The following ACOT11 variants were observed in gnomAD, a reference collection of about 807,000 sequenced individuals.
ACOT11 encodes acyl-CoA thioesterase 11, also known as acyl-coenzyme A thioesterase 11.
In ACOT11, 69 loss-of-function variants were observed where a neutral mutation model predicts 77.5. The observed-to-expected ratio is 0.89, with a 90% CI of 0.73 to 1.09. The LOEUF (loss-of-function observed/expected upper bound fraction) is 1.09, where lower values mean the gene tolerates loss of function less well. Ranked by LOEUF, ACOT11 falls within the 50% of genes least tolerant of loss-of-function variation. ACOT11 has a pLI of 0.00. For synonymous variants in ACOT11, 279 were observed against 313.0 expected (o/e 0.89, Z 1.15); for missense variants, 766 against 813.7 (o/e 0.94, Z 0.71).
chr1:54,555,657 C>T lies in ACOT11; in HGVS notation c.33+7315C>T, dbSNP rs540108933. Reference sequence around the variant, plus strand: ...TCCAAAAAATTCTTACCTAGCACAACGTCATGAAGTGTTTCCCTTATGTTT... The same window carrying T: ...TCCAAAAAATTCTTACCTAGCACAATGTCATGAAGTGTTTCCCTTATGTTT... On this transcript the variant is annotated intron_variant, in intron 1 of 15. Coordinates refer to ENST00000343744, the MANE Select transcript of ACOT11 (RefSeq NM_147161.4). Among the ~76,000 whole-genome samples, 21 of 152,288 alleles carry T rather than the reference C, an allele frequency of 1.4e-4. No homozygotes were observed. The South Asian group carries it at 2.5e-3, about 18-fold the overall frequency.
chr1:54,573,687 C>T (rs530600995), intron 1 of ACOT11, among the ~76,000 whole-genome samples: 3 of 151,544 alleles, frequency 2.0e-5, no homozygotes, highest in Non-Finnish European at 4.4e-5. Flanking sequence ...GAGCCAAGAT[C>T]ACACCGCTGC....
intron 1 of ACOT11, among the ~76,000 whole-genome samples, chr1:54,551,144 A>AG (rs1186064858): frequency 1.7e-3 from 253 of 151,528 alleles, no homozygotes; most frequent in Non-Finnish European, 3.1e-3. Context: ...AAAAAAAAAA[A>AG]AAAAAGAAAA....
intron 1 of ACOT11, among the ~76,000 whole-genome samples, chr1:54,552,821 T>C (rs1653115933): frequency 8.8e-6 from 1 of 113,444 alleles, no homozygotes; most frequent in Admixed American, 8.6e-5. Flanking sequence ...TGTTGTTTGT[T>C]TTTGTTTTGT....
intron 3 of ACOT11, 101 bp from the exon 4 acceptor site, chr1:54,592,445 T>C: frequency 8.7e-7 from 1 of 1,154,826 alleles, no homozygotes; most frequent in Admixed American, 2.2e-5. Flanking sequence ...CATGAAGTTA[T>C]CCTGCCAGCT....
At chr1:54,602,462 G>T (rs563192089) in intron 9 of ACOT11, among the ~76,000 whole-genome samples, 24 of 152,294 alleles carry the variant, frequency 1.6e-4, no homozygotes, top group African/African-American at 5.8e-4. Flanking sequence ...GGGAGGTGGT[G>T]TTCCCAGGTC....
rs547792868 is a variant in ACOT11 at position 54,584,495 on chromosome 1, G to A, written c.34-160G>A. On this transcript the variant is annotated intron_variant, in intron 1 of 15. Transcript: ENST00000343744. The surrounding 1 kb of genome is among the most constrained non-coding windows in gnomAD (Gnocchi z 6.3). ...CAGATATCCTGGGGTCCGAGACCAC[G>A]GGCTGGAGGGTGGTGACCACTCTCG... is the stretch of plus-strand genomic sequence containing the variant. Among the ~76,000 whole-genome samples, 5 of 152,116 alleles carry A rather than the reference G, an allele frequency of 3.3e-5. No homozygotes were observed. Among genetic ancestry groups the A allele is most frequent in the African/African-American group, 9.7e-5 (4 of 41,404 alleles).
At chr1:54,558,137 G>GGGGGATTAACAGTTAGTACTA (rs1350228267) in intron 1 of ACOT11, among the ~76,000 whole-genome samples, 32 of 152,278 alleles carry the variant, frequency 2.1e-4, no homozygotes, top group Non-Finnish European at 4.1e-4. Context: ...TTACTGTACT[G>GGGGGATTAACAGTTAGTACTA]GGGGATTAAC....
intron 1 of ACOT11, among the ~76,000 whole-genome samples, chr1:54,553,397 G>A (rs1176944315): frequency 6.6e-6 from 1 of 151,512 alleles, no homozygotes; most frequent in African/African-American, 2.4e-5. Context: ...GAACCTGGGA[G>A]GTGGAGGTTG....
intron 1 of ACOT11, among the ~76,000 whole-genome samples, chr1:54,580,066 C>T (rs1205876626): frequency 1.3e-5 from 2 of 152,168 alleles, no homozygotes; most frequent in African/African-American, 4.8e-5. Context: ...TGTTTAATTT[C>T]CTCCCTATGA....
At chr1:54,549,280 T>C (rs1652981682) in intron 1 of ACOT11, among the ~76,000 whole-genome samples, 1 of 152,108 alleles carries the variant, frequency 6.6e-6, no homozygotes, top group Non-Finnish European at 1.5e-5. Context: ...CCGAGGATGA[T>C]TTTCACATCC....
At chr1:54,594,314 A>T (rs1315932693) in intron 5 of ACOT11, among the ~76,000 whole-genome samples, 1 of 151,820 alleles carries the variant, frequency 6.6e-6, no homozygotes, top group African/African-American at 2.4e-5. Context: ...CTACAGTGAC[A>T]CCCCCCATCC....
At position 54,627,981 on chromosome 1, in the gene ACOT11, C is replaced by T. The variant is rs184231684; in HGVS notation, c.1630-2753C>T. On this transcript the variant is annotated intron_variant, in intron 15 of 16. Coordinates refer to the ACOT11 transcript ENST00000371316. ...TGGGGAGCCCCGGAGGCCTGGGTCA[C>T]CCTGATAAAGAATTTGGCTTCAACC... is the stretch of plus-strand genomic sequence containing the variant. Among the ~76,000 whole-genome samples, 2 of 132,766 alleles carry T rather than the reference C, an allele frequency of 1.5e-5. 1 individual carries two copies. Among genetic ancestry groups the T allele is most frequent in the Non-Finnish European group, 3.4e-5 (2 of 58,650 alleles). The allele number at this position is 132,766 out of a possible 152,430, so 87.1% of individuals were successfully genotyped here.
chr1:54,624,908 C>T (rs752891563), intron 15 of ACOT11, among the ~76,000 whole-genome samples: 4 of 150,150 alleles, frequency 2.7e-5, no homozygotes, highest in Admixed American at 6.6e-5. Context: ...ATGTGGGGAA[C>T]GGTGGGCATT....
chr1:54,569,113 GAA>G (rs67349209), intron 1 of ACOT11, among the ~76,000 whole-genome samples: 129 of 135,720 alleles, frequency 9.5e-4, no homozygotes, highest in Non-Finnish European at 1.6e-3. Context: ...AGACTCTCTC[GAA>G]AAAAAAAAAA....
At chr1:54,604,970 C>T in intron 12 of ACOT11, 106 bp from the exon 13 acceptor site, 1 of 1,244,432 alleles carries the variant, frequency 8.0e-7, no homozygotes, top group African/African-American at 1.5e-5. Flanking sequence ...TGTTCACATT[C>T]ACACAGCAAG....
chr1:54,623,283 C>T (rs544237571), intron 15 of ACOT11: 36 of 1,613,072 alleles, frequency 2.2e-5, no homozygotes, highest in African/African-American at 5.3e-5. Flanking sequence ...CCTACCTGGC[C>T]GCCGCAGGGT....
chr1:54,601,414 G>C lies in ACOT11; in HGVS notation c.1029+1G>C. Reference sequence around the variant, plus strand: ...GCCCTGGATTCGGCCCCAGCCCGGCGTAAGTGGGACCAGCGCCCTGCCCCA... The same window carrying C: ...GCCCTGGATTCGGCCCCAGCCCGGCCTAAGTGGGACCAGCGCCCTGCCCCA... On this transcript the variant is annotated splice_donor_variant, in intron 9 of 15. Coordinates refer to ENST00000343744, the MANE Select transcript of ACOT11 (RefSeq NM_147161.4). LOFTEE classifies it high-confidence loss of function. 1 of 1,611,314 alleles carries C rather than the reference G, an allele frequency of 6.2e-7. No individual in the cohort carries two copies. The highest frequency in any genetic ancestry group is 8.5e-7 in the Non-Finnish European group (1 of 1,179,718).
intron 11 of ACOT11, 119 bp downstream of exon 11, chr1:54,604,056 A>T: frequency 1.1e-6 from 1 of 933,914 alleles, no homozygotes; most frequent in East Asian, 2.5e-5. Context: ...GACACGCCTC[A>T]TGATTGCTAC....
chr1:54,550,384 C>T (rs989382459), intron 1 of ACOT11, among the ~76,000 whole-genome samples: 1 of 152,230 alleles, frequency 6.6e-6, no homozygotes, highest in Non-Finnish European at 1.5e-5. Context: ...GCCACCTCTG[C>T]ACCATTGTCT....
Sources: allele counts gnomAD v4.1 joint callset (sites outside exome capture counted in the v4.1 genomes callset), GRCh38; gene constraint gnomAD v4.1.1; non-coding constraint Gnocchi (gnomAD v3.1); transcripts MANE v1.5; gene names NCBI Gene and HGNC (gene_info 2026-07-23, HGNC 2026-07-21).